Variants in DOCK5 observed in about 807,000 individuals in gnomAD.
The protein encoded by DOCK5 is dedicator of cytokinesis 5, also known as dedicator of cytokinesis protein 5.
In DOCK5, 142 loss-of-function variants were observed where a neutral mutation model predicts 251.8. The ratio of observed to expected loss-of-function variants is 0.56; its 90% CI spans 0.49 to 0.65. The LOEUF (loss-of-function observed/expected upper bound fraction) is 0.65, where lower values mean the gene tolerates loss of function less well. Among genes scored for constraint, DOCK5 ranks in the 30% least tolerant of loss-of-function variants. The pLI is 0.00. For missense variants in DOCK5, 2,111 were observed against 2,312.3 expected, an observed-to-expected ratio of 0.91 and a Z score of 1.79; for synonymous variants, 842 against 835.5, an observed-to-expected ratio of 1.01 and a Z score of -0.13.
At chr8:25,352,293 AAGG>A (rs72365961) in intron 27 of DOCK5, among the ~76,000 whole-genome samples, 13,201 of 148,980 alleles carry the variant, frequency 0.089, 644 homozygotes, top group South Asian at 0.17. Flanking sequence ...GGAAGGAAAA[AAGG>A]AGAGAAAAGA....
At chr8:25,334,729 T>A (rs4313167) in intron 21 of DOCK5, among the ~76,000 whole-genome samples, 123 of 123,084 alleles carry the variant, frequency 1.0e-3, no homozygotes, top group East Asian at 7.0e-3. Flanking sequence ...AAAAAAAAAA[T>A]CGAGCAAAAT....
chr8:25,304,424 A>G, intron 11 of DOCK5, 97 bp downstream of exon 11: 3 of 1,026,438 alleles, frequency 2.9e-6, no homozygotes, highest in Non-Finnish European at 4.2e-6. Context: ...CCATTTTCTC[A>G]GAGAAGGAAA....
intron 15 of DOCK5, 42 bp from the exon 16 acceptor site, chr8:25,320,938 T>C (rs1226343868): frequency 2.6e-6 from 4 of 1,552,204 alleles, no homozygotes; most frequent in Non-Finnish European, 3.5e-6. Flanking sequence ...GCTTGCAAAG[T>C]ACTGTGTGTC....
intron 26 of DOCK5, 44 bp downstream of exon 26, chr8:25,345,655 C>A: frequency 6.2e-7 from 1 of 1,604,832 alleles, no homozygotes; most frequent in South Asian, 1.1e-5. Flanking sequence ...TCACACTGTC[C>A]CCTTTGCACC....
intron 9 of DOCK5, among the ~76,000 whole-genome samples, chr8:25,301,887 A>G (rs181333023): frequency 1.8e-3 from 267 of 152,344 alleles, no homozygotes; most frequent in African/African-American, 6.1e-3. Context: ...TGTTTTGAAG[A>G]GGAAATGAAA....
chr8:25,293,355 C>T (rs994196863), intron 6 of DOCK5, among the ~76,000 whole-genome samples: 4 of 151,900 alleles, frequency 2.6e-5, no homozygotes, highest in Non-Finnish European at 5.9e-5. Context: ...CTGAAGTAGC[C>T]GAAGTGAACA....
chr8:25,308,921 G>C lies in DOCK5; in HGVS notation c.1188G>C (p.Gly396=), dbSNP rs772708991. ...CAGCAAAGGAAGTGAATCACAAAGGGCAAGGTACAGTCCAGTGCCAGAGCT... is the reference window on the plus strand; with the variant it reads ...CAGCAAAGGAAGTGAATCACAAAGGCCAAGGTACAGTCCAGTGCCAGAGCT... ...VIAAKEVNHK[G]QGLWVSLKLL... Residue 396 remains glycine (G), a synonymous_variant, in exon 12 of 52, where the codon GGG becomes GGC. Transcript: ENST00000276440. 2 of 1,612,968 alleles carry C rather than the reference G, an allele frequency of 1.2e-6. No homozygotes were observed. Among genetic ancestry groups the C allele is most frequent in the Non-Finnish European group, 1.7e-6 (2 of 1,179,074 alleles).
chr8:25,322,682 T>A (rs1805458319), intron 16 of DOCK5, among the ~76,000 whole-genome samples: 1 of 152,352 alleles, frequency 6.6e-6, no homozygotes, highest in Non-Finnish European at 1.5e-5. Flanking sequence ...TACATTCTAC[T>A]TTTATCTACA....
chr8:25,267,601 C>T (rs919636193), intron 2 of DOCK5, among the ~76,000 whole-genome samples: 4 of 152,132 alleles, frequency 2.6e-5, no homozygotes, highest in African/African-American at 9.7e-5. Flanking sequence ...CTACCTTATA[C>T]GTGTATGCCG....
rs1397047259 is a variant in DOCK5, at chr8:25,218,456, C to T, written c.44-25218C>T. Among the ~76,000 whole-genome samples the T allele has an allele frequency of 2.6e-5, 4 of 152,200 alleles. No homozygotes were observed. The East Asian group carries it at 7.7e-4, about 29-fold the overall frequency. ...TTCACGCTGCTTGCCTCCATAGTGC[C>T]TCTGTGTGGTGTCTGGACCTTGCCA... On this transcript the variant is annotated intron_variant, in intron 1 of 51. Coordinates refer to ENST00000276440, the MANE Select transcript of DOCK5 (RefSeq NM_024940.8).
intron 13 of DOCK5, among the ~76,000 whole-genome samples, chr8:25,312,804 C>T (rs1339857596): frequency 6.6e-6 from 1 of 150,756 alleles, no homozygotes; most frequent in African/African-American, 2.4e-5. Flanking sequence ...GTGGCGCATG[C>T]CTGTAATCCC....
chr8:25,379,459 C>T (rs1231381524), intron 38 of DOCK5, among the ~76,000 whole-genome samples: 1 of 152,096 alleles, frequency 6.6e-6, no homozygotes. Flanking sequence ...TGCCCGACCC[C>T]GCAGGCAGTC....
At chr8:25,248,849 AG>A (rs1222489060) in intron 2 of DOCK5, among the ~76,000 whole-genome samples, 1 of 151,776 alleles carries the variant, frequency 6.6e-6, no homozygotes, top group African/African-American at 2.4e-5. Context: ...GTAGAGAGTA[AG>A]GGGGTCAGGG....
intron 1 of DOCK5, among the ~76,000 whole-genome samples, chr8:25,187,337 A>G (rs2117432536): frequency 6.7e-6 from 1 of 149,980 alleles, no homozygotes; most frequent in East Asian, 2.0e-4. Context: ...GTGTATATAT[A>G]TATGTATATG....
intron 40 of DOCK5, among the ~76,000 whole-genome samples, chr8:25,388,094 G>T (rs1051531324): frequency 1.3e-5 from 2 of 152,172 alleles, no homozygotes; most frequent in African/African-American, 4.8e-5. Context: ...TGCCTGGAAA[G>T]TGTAATTGCC....
intron 9 of DOCK5, among the ~76,000 whole-genome samples, chr8:25,301,930 T>G (rs1282602697): frequency 2.0e-5 from 3 of 152,162 alleles, no homozygotes; most frequent in Non-Finnish European, 4.4e-5. Flanking sequence ...CCAATAAATG[T>G]CAGTGTTACA....
At chr8:25,371,551 A>T (rs1385169134) in intron 34 of DOCK5, among the ~76,000 whole-genome samples, 1 of 152,200 alleles carries the variant, frequency 6.6e-6, no homozygotes, top group African/African-American at 2.4e-5. Context: ...TTTGTTTTTA[A>T]TAGTGACAAG....
intron 45 of DOCK5, among the ~76,000 whole-genome samples, chr8:25,396,655 T>G (rs1381627055): frequency 6.6e-6 from 1 of 152,094 alleles, no homozygotes; most frequent in Non-Finnish European, 1.5e-5. Context: ...TGGATATAAA[T>G]CAACATTTGT....
intron 21 of DOCK5, among the ~76,000 whole-genome samples, chr8:25,335,114 T>G (rs551930978): frequency 1.3e-5 from 2 of 152,314 alleles, no homozygotes; most frequent in Admixed American, 6.5e-5. Context: ...TTCCAGTTAT[T>G]GTGCAGAATG....
Sources: allele counts gnomAD v4.1 joint callset (sites outside exome capture counted in the v4.1 genomes callset), GRCh38; gene constraint gnomAD v4.1.1; transcripts MANE v1.5; gene names NCBI Gene and HGNC (gene_info 2026-07-23, HGNC 2026-07-21).